The following CASQ2 variants were observed in gnomAD, a reference collection of about 807,000 sequenced individuals.
CASQ2 encodes the protein calsequestrin 2.
CASQ2 carries 49 observed loss-of-function variants against 46.5 expected under a neutral mutation model. The observed-to-expected ratio is 1.05, with a 90% confidence interval of 0.84 to 1.34. The LOEUF (loss-of-function observed/expected upper bound fraction) is 1.34. Among genes scored for constraint, CASQ2 ranks in the 40% most tolerant of loss-of-function variants. The pLI is 0.00. For synonymous variants in CASQ2, 174 were observed against 168.5 expected (o/e 1.03, Z -0.25); for missense variants, 486 against 481.3 (o/e 1.01, Z -0.09).
intron 1 of CASQ2, among the ~76,000 whole-genome samples, chr1:115,759,599 T>C (rs1648872277): frequency 6.6e-6 from 1 of 152,204 alleles, no homozygotes; most frequent in Non-Finnish European, 1.5e-5. Context: ...GGTATTCTGT[T>C]ATAGCAACAC....
chr1:115,767,317 T>C (rs1649167686), intron 1 of CASQ2, among the ~76,000 whole-genome samples: 2 of 152,228 alleles, frequency 1.3e-5, no homozygotes, highest in Admixed American at 1.3e-4. Flanking sequence ...ACTTTTGATG[T>C]ATTTGGGATA....
chr1:115,768,472 T>G lies in CASQ2; in HGVS notation c.70A>C (p.Asn24His). Residue 24 changes from asparagine to histidine, a missense_variant, in exon 1 of 11, where the codon AAT becomes CAT. Asn to His is a moderately conservative substitution (Grantham distance 68). Coordinates refer to ENST00000261448, the MANE Select transcript of CASQ2 (RefSeq NM_001232.4). The stretch of plus-strand genomic sequence containing the variant: ...TCCTTCCCATCATATGTGGGGAAAT[T>G]AAGCCCCTCTTCTGCCCTGCAAGAG... ...LSSCRAEEGL[N>H]FPTYDGKDRV... 1 of 1,613,870 alleles carries G rather than the reference T, an allele frequency of 6.2e-7. No homozygotes were observed. The highest frequency in any genetic ancestry group is 8.5e-7 in the Non-Finnish European group (1 of 1,179,730).
chr1:115,738,466 C>A, intron 3 of CASQ2, 131 bp from the exon 4 acceptor site: 1 of 728,168 alleles, frequency 1.4e-6, no homozygotes, highest in Non-Finnish European at 2.5e-6. Flanking sequence ...TTCCATTCTC[C>A]CCACAATCCC....
At chr1:115,713,926 C>T (rs889743518) in intron 8 of CASQ2, among the ~76,000 whole-genome samples, 1 of 152,148 alleles carries the variant, frequency 6.6e-6, no homozygotes, top group Admixed American at 6.5e-5. Flanking sequence ...CCTGGGTCTC[C>T]GCTTTCTTGT....
chr1:115,709,612 C>T (rs189127955), intron 8 of CASQ2, among the ~76,000 whole-genome samples: 24 of 152,254 alleles, frequency 1.6e-4, no homozygotes, highest in African/African-American at 5.3e-4. Flanking sequence ...TCAGAAGAGA[C>T]CCCCGCAACC....
chr1:115,715,487 T>C (rs1654673112), intron 8 of CASQ2, among the ~76,000 whole-genome samples: 2 of 152,234 alleles, frequency 1.3e-5, no homozygotes, highest in Admixed American at 6.5e-5. Context: ...ATTCCATTTA[T>C]ATGAAATGTC....
chr1:115,745,810 C>G (rs913543880), intron 1 of CASQ2, among the ~76,000 whole-genome samples: 2 of 152,112 alleles, frequency 1.3e-5, no homozygotes, highest in African/African-American at 4.8e-5. Context: ...AGAAATAATA[C>G]AGAGAGATAT....
At chr1:115,750,677 T>A (rs139325555) in intron 1 of CASQ2, among the ~76,000 whole-genome samples, 1 of 152,048 alleles carries the variant, frequency 6.6e-6, no homozygotes, top group Admixed American at 6.6e-5. Context: ...CTTGGCTAAT[T>A]GTCTAAGTTT....
chr1:115,724,783 A>C (rs868087972), intron 7 of CASQ2, among the ~76,000 whole-genome samples: 11 of 152,220 alleles, frequency 7.2e-5, no homozygotes, highest in African/African-American at 2.4e-4. Flanking sequence ...CCAATTTTAG[A>C]TGAGGAAATT....
intron 8 of CASQ2, among the ~76,000 whole-genome samples, chr1:115,714,078 A>G (rs1654628680): frequency 6.6e-6 from 1 of 152,196 alleles, no homozygotes; most frequent in African/African-American, 2.4e-5. Context: ...ATATAACTCT[A>G]TGGCAGGGCC....
At chr1:115,742,004 G>A (rs1648199326) in intron 2 of CASQ2, among the ~76,000 whole-genome samples, 2 of 152,044 alleles carry the variant, frequency 1.3e-5, no homozygotes, top group East Asian at 1.9e-4. Flanking sequence ...AAATGGTAGA[G>A]GCACCATTTG....
At chr1:115,726,862 T>A in intron 6 of CASQ2, 130 bp downstream of exon 6, 1 of 715,552 alleles carries the variant, frequency 1.4e-6, no homozygotes. Flanking sequence ...AAAGCCATAC[T>A]ACTGAGTTCT....
intron 6 of CASQ2, 45 bp downstream of exon 6, chr1:115,726,947 T>TGCCCCCCCCCCCCCCC: frequency 6.8e-6 from 7 of 1,036,542 alleles, no homozygotes; most frequent in Non-Finnish European, 5.8e-6. Flanking sequence ...TCCTCTCCAT[T>TGCCCCCCCCCCCCCCC]CCCCAGACCC....
chr1:115,720,934 G>A (rs962763943), intron 7 of CASQ2, among the ~76,000 whole-genome samples: 3 of 152,082 alleles, frequency 2.0e-5, no homozygotes, highest in Admixed American at 6.5e-5. Context: ...AAAATATTAG[G>A]TATACCAAGA....
intron 1 of CASQ2, among the ~76,000 whole-genome samples, chr1:115,759,145 C>T (rs920407174): frequency 6.6e-6 from 1 of 152,194 alleles, no homozygotes; most frequent in Non-Finnish European, 1.5e-5. Context: ...TTTCCCTAGA[C>T]ACTGGGGCCA....
chr1:115,706,724 AC>A (rs1654373496), intron 8 of CASQ2, among the ~76,000 whole-genome samples: 1 of 152,194 alleles, frequency 6.6e-6, no homozygotes, highest in Non-Finnish European at 1.5e-5. Context: ...CTTTCTTTGC[AC>A]AGTTTTTCTT....
Position 115,736,567 on chromosome 1 carries a change from G to A in CASQ2, c.532+1657C>T, listed in dbSNP as rs546853747. On this transcript the variant is annotated intron_variant, in intron 4 of 10. Coordinates refer to ENST00000261448, the MANE Select transcript of CASQ2 (RefSeq NM_001232.4). ...CAGGAGAATCACTTGAACCCAGGAG[G>A]CAGAGGTTGCAGTGAGCCAAGATCA... Among the ~76,000 whole-genome samples the A allele has an allele frequency of 2.6e-5, 4 of 152,132 alleles. No individual in the cohort carries two copies. In the South Asian group the frequency reaches 8.3e-4, roughly 32 times the overall value.
chr1:115,768,493 A>G lies in CASQ2; in HGVS notation c.49T>C (p.Cys17Arg). The G allele has an allele frequency of 6.2e-7, 1 of 1,613,838 alleles. No individual in the cohort carries two copies. Among genetic ancestry groups the G allele is most frequent in the South Asian group, 1.1e-5 (1 of 91,076 alleles). The change falls in exon 1 of 11, where the codon TGC becomes CGC. Residue 17 changes from cysteine (C) to arginine (R), a missense_variant. Physicochemically the swap from Cys to Arg is radical, Grantham distance 180. Coordinates refer to ENST00000261448, the MANE Select transcript of CASQ2 (RefSeq NM_001232.4). ...AAATTAAGCCCCTCTTCTGCCCTGC[A>G]AGAGGACAGAAAATAAATCCCCACA... The part of the protein sequence containing the change: ...FIVGIYFLSS[C>R]RAEEGLNFPT...
intron 7 of CASQ2, among the ~76,000 whole-genome samples, chr1:115,724,757 A>C (rs1020320028): frequency 4.6e-5 from 7 of 152,206 alleles, no homozygotes; most frequent in Non-Finnish European, 7.3e-5. Flanking sequence ...CTTCATATTC[A>C]TCCTTATAAA....
Sources: gnomAD v4.1 joint callset for allele counts (sites outside exome capture counted in the v4.1 genomes callset) on GRCh38, gnomAD v4.1.1 for gene constraint, MANE v1.5 for transcripts, NCBI Gene and HGNC (gene_info 2026-07-23, HGNC 2026-07-21) for gene names.